The following TRPM6 variants were observed in gnomAD, a reference collection of about 807,000 sequenced individuals.
TRPM6 encodes the protein channel kinase 2.
Under a neutral mutation model 247.6 loss-of-function variants are expected in TRPM6, and 111 were observed. The observed-to-expected ratio is 0.45, with a 90% CI of 0.38 to 0.52. TRPM6 has a LOEUF of 0.52. Among genes scored for constraint, TRPM6 ranks in the 20% least tolerant of loss-of-function variants. TRPM6 has a pLI of 0.00. For synonymous variants in TRPM6, 892 were observed against 853.8 expected (o/e 1.04, Z -0.78); for missense variants, 2,126 against 2,421.5 (o/e 0.88, Z 2.56).
chr9:74,770,579 C>A (rs1469084835), intron 25 of TRPM6, among the ~76,000 whole-genome samples: 1 of 152,090 alleles, frequency 6.6e-6, no homozygotes, highest in African/African-American at 2.4e-5. Context: ...ATACCGCCTG[C>A]CTCCCTCAAA....
chr9:74,767,836 C>G (rs1365271979), intron 25 of TRPM6, among the ~76,000 whole-genome samples: 1 of 152,076 alleles, frequency 6.6e-6, no homozygotes, highest in Non-Finnish European at 1.5e-5. Flanking sequence ...GTTAGCTCAG[C>G]ATGGTAGCAT....
rs1161401022 is a variant in TRPM6 at position 74,818,293 on chromosome 9, CTTTTTTTTTTT to C, written c.1135-1340_1135-1330del. Among the ~76,000 whole-genome samples the C allele has an allele frequency of 8.3e-5, 6 of 72,024 alleles. No individual in the cohort carries two copies. The South Asian group carries it at 2.5e-3, about 29-fold the overall frequency. The allele number at this position is 72,024 out of a possible 152,430, so 47.3% of individuals were successfully genotyped here. ...AACTCACGTTTCAGATCTATCATTT[CTTTTTTTTTTT>C]TTTTTTTTTTTTTTTGAGACAGGGT... On this transcript the variant is annotated intron_variant, in intron 9 of 38. Coordinates refer to ENST00000360774, the MANE Select transcript of TRPM6 (RefSeq NM_017662.5).
intron 17 of TRPM6, chr9:74,799,983 C>A: frequency 2.1e-6 from 1 of 474,688 alleles, no homozygotes; most frequent in Non-Finnish European, 3.9e-6. Context: ...GCAGGTGTCC[C>A]CTTCCTCCCT....
intron 1 of TRPM6, among the ~76,000 whole-genome samples, chr9:74,877,479 A>G (rs1041333951): frequency 3.9e-5 from 6 of 152,138 alleles, no homozygotes; most frequent in South Asian, 2.1e-4. Flanking sequence ...CACGCACACT[A>G]TGAATTCTAA....
At chr9:74,801,779 C>T (rs529464303) in intron 16 of TRPM6, 119 bp downstream of exon 16, 1 of 1,253,354 alleles carries the variant, frequency 8.0e-7, no homozygotes, top group East Asian at 2.4e-5. Flanking sequence ...CAGGAGAGTC[C>T]ATAAAATGCA....
intron 5 of TRPM6, among the ~76,000 whole-genome samples, chr9:74,835,845 AG>A (rs999336511): frequency 9.9e-5 from 15 of 152,128 alleles, no homozygotes; most frequent in African/African-American, 3.6e-4. Flanking sequence ...TGAAAAGTAC[AG>A]AAAGTTCCCA....
intron 38 of TRPM6, among the ~76,000 whole-genome samples, chr9:74,725,851 A>G (rs2118662417): frequency 6.6e-6 from 1 of 152,320 alleles, no homozygotes; most frequent in Admixed American, 6.5e-5. Context: ...ACCTAATTCA[A>G]TCTTCACACA....
intron 7 of TRPM6, among the ~76,000 whole-genome samples, chr9:74,824,511 GAAAA>G (rs59044061): frequency 3.4e-3 from 159 of 46,864 alleles, no homozygotes; most frequent in Non-Finnish European, 5.8e-3. Flanking sequence ...GGCTTTTTCT[GAAAA>G]AAAAAAAAAA....
At chr9:74,761,434 G>A (rs1009600328) in intron 27 of TRPM6, among the ~76,000 whole-genome samples, 5 of 152,144 alleles carry the variant, frequency 3.3e-5, no homozygotes, top group Non-Finnish European at 1.5e-5. Context: ...TTATATCTGG[G>A]TGTGGTTGTG....
chr9:74,880,094 T>C (rs561296342), intron 1 of TRPM6, among the ~76,000 whole-genome samples: 21 of 152,212 alleles, frequency 1.4e-4, no homozygotes, highest in Non-Finnish European at 2.2e-4. Context: ...GAGTCCTCTG[T>C]GCTGATTGTT....
chr9:74,745,446 A>AGTGTGTGTGTGTGTGCGT (rs1563993995), intron 31 of TRPM6, among the ~76,000 whole-genome samples: 1 of 150,478 alleles, frequency 6.6e-6, no homozygotes, highest in Non-Finnish European at 1.5e-5. Context: ...CATATAGTAT[A>AGTGTGTGTGTGTGTGCGT]GTGTGTGTGT....
intron 26 of TRPM6, 92 bp downstream of exon 26, chr9:74,761,907 G>A: frequency 2.7e-6 from 4 of 1,508,570 alleles, no homozygotes; most frequent in South Asian, 1.1e-5. Context: ...TGACAATGTG[G>A]TTAAGAGTCA....
intron 1 of TRPM6, among the ~76,000 whole-genome samples, chr9:74,868,185 T>A (rs1004538519): frequency 1.4e-5 from 2 of 148,104 alleles, no homozygotes; most frequent in Non-Finnish European, 3.0e-5. Context: ...GTTATTCTAA[T>A]TAAAATAAAT....
At chr9:74,832,114 A>G (rs1335230590) in intron 6 of TRPM6, among the ~76,000 whole-genome samples, 1 of 152,234 alleles carries the variant, frequency 6.6e-6, no homozygotes, top group Non-Finnish European at 1.5e-5. Flanking sequence ...GAACCTGATC[A>G]TACCTCTCAA....
At position 74,739,899 on chromosome 9, in the gene TRPM6, A is replaced by G. The variant is rs1462492200; in HGVS notation, c.5311T>C (p.Ser1771Pro). The G allele has an allele frequency of 1.2e-6, 2 of 1,614,112 alleles. No individual in the cohort carries two copies. The highest frequency in any genetic ancestry group is 3.3e-5 in the Admixed American group (2 of 60,012). ...AGGCCCCCATCCATCTCCTCTCGGG[A>G]CAATACCTGGATCATTGCCGCTCTC... ...RGRAAMIQVL[S>P]REEMDGGLRK... Residue 1771 changes from serine to proline, a missense_variant, in exon 34 of 39, where the codon TCC becomes CCC. By Grantham distance (74) the Ser-to-Pro change is moderately conservative. Transcript: ENST00000360774.
At chr9:74,774,314 TTC>T in intron 24 of TRPM6, among the ~76,000 whole-genome samples, 1 of 152,162 alleles carries the variant, frequency 6.6e-6, no homozygotes, top group Non-Finnish European at 1.5e-5. Context: ...TATCAAGTGA[TTC>T]ACATTCTGCT....
In TRPM6 at chr9:74,871,996, G is replaced by A. The variant is rs1831045230; in HGVS notation, c.34-13248C>T. 2.0e-5 allele frequency among the ~76,000 whole-genome samples: 3 copies of A among 152,016 alleles called. No homozygotes were observed. The South Asian group carries it at 6.2e-4, about 32-fold the overall frequency. On this transcript the variant is annotated intron_variant, in intron 1 of 38. Transcript: ENST00000360774. The stretch of plus-strand genomic sequence containing the variant: ...GCCTCCTGAGTAGCTGGGATTACTG[G>A]TGTGTGCCACCATGCCCAGCTAATT...
chr9:74,867,400 A>T (rs1830880806), intron 1 of TRPM6, among the ~76,000 whole-genome samples: 1 of 152,138 alleles, frequency 6.6e-6, no homozygotes, highest in African/African-American at 2.4e-5. Context: ...TAGACACTAG[A>T]GTGGAGTCTG....
intron 23 of TRPM6, among the ~76,000 whole-genome samples, chr9:74,780,045 A>G (rs1339487465): frequency 2.0e-5 from 3 of 151,534 alleles, no homozygotes; most frequent in Non-Finnish European, 4.4e-5. Context: ...GGTGGCATGC[A>G]CCTGTAGTCC....
Sources: gnomAD v4.1 joint callset for allele counts (sites outside exome capture counted in the v4.1 genomes callset) on GRCh38, gnomAD v4.1.1 for gene constraint, MANE v1.5 for transcripts, NCBI Gene and HGNC (gene_info 2026-07-23, HGNC 2026-07-21) for gene names.